Variants in SIRT1 observed in about 807,000 individuals in gnomAD.
SIRT1 encodes the protein sirtuin 1, also known as NAD-dependent protein deacetylase sirtuin-1.
Under a neutral mutation model 67.9 loss-of-function variants are expected in SIRT1, and 24 were observed. The observed-to-expected ratio is 0.35, with a 90% CI of 0.26 to 0.50. SIRT1 has a LOEUF of 0.50. Among genes scored for constraint, SIRT1 ranks in the 20% least tolerant of loss-of-function variants. The pLI is 0.98. For missense variants in SIRT1, 873 were observed against 937.2 expected, an observed-to-expected ratio of 0.93 and a Z score of 0.89; for synonymous variants, 378 against 350.7, an observed-to-expected ratio of 1.08 and a Z score of -0.87.
chr10:67,887,520 A>G lies in SIRT1; in HGVS notation c.534A>G (p.Pro178=), dbSNP rs755303038. ...ASHASSSDWT[P]RPRIGPYTFV... ...ATGCAAGCTCTAGTGACTGGACTCC[A>G]AGGCCACGGATAGGTATGGCTCAGA... The change falls in exon 2 of 9, where the codon CCA becomes CCG. Residue 178 remains proline, a synonymous_variant. Transcript: ENST00000212015. 6.2e-7 allele frequency: 1 copy of G among 1,606,074 alleles called. No homozygotes were observed. Among genetic ancestry groups the G allele is most frequent in the South Asian group, 1.1e-5 (1 of 90,916 alleles).
chr10:67,902,910 C>A (rs1842764497), intron 4 of SIRT1, among the ~76,000 whole-genome samples: 1 of 152,142 alleles, frequency 6.6e-6, no homozygotes, highest in Non-Finnish European at 1.5e-5. Context: ...GCCTGGCCAA[C>A]ATGGTGAAAC....
intron 4 of SIRT1, among the ~76,000 whole-genome samples, chr10:67,902,518 T>C (rs1018232453): frequency 6.6e-6 from 1 of 152,220 alleles, no homozygotes; most frequent in East Asian, 1.9e-4. Context: ...TGAAATACAG[T>C]TGAATTTGTC....
chr10:67,885,441 C>A (rs546454076), intron 1 of SIRT1: 2 of 1,189,390 alleles, frequency 1.7e-6, no homozygotes, highest in Non-Finnish European at 2.1e-6. Flanking sequence ...AGTTTCTCTC[C>A]CCCTCTTACT....
At chr10:67,887,396 C>CT (rs765798982) in intron 1 of SIRT1, 21 bp from the exon 2 acceptor site, 1 of 1,528,660 alleles carries the variant, frequency 6.5e-7, no homozygotes, top group Non-Finnish European at 9.1e-7. Flanking sequence ...ATAGCCTTGA[C>CT]TGACTTGGTT....
intron 4 of SIRT1, among the ~76,000 whole-genome samples, chr10:67,895,085 T>C (rs1167452041): frequency 6.6e-6 from 1 of 152,156 alleles, no homozygotes; most frequent in Non-Finnish European, 1.5e-5. Context: ...TATAATTCTT[T>C]GTCCATCCTT....
In SIRT1 at chr10:67,885,137, C is replaced by T. The variant is rs1396067593; in HGVS notation, c.416C>T (p.Ala139Val). Residue 139 changes from alanine to valine, a missense_variant, in exon 1 of 9, where the codon GCG becomes GTG. Coordinates refer to ENST00000212015, the MANE Select transcript of SIRT1 (RefSeq NM_012238.5). ...GAGGAGGAAGAGGCGGCGGCGGCGG[C>T]GATTGGGTACCGAGGTGCGCAGGGT... ...GEEEEEAAAA[A>V]IGYRDNLLFG... is the part of the protein sequence containing the mutation. The T allele has an allele frequency of 9.1e-6, 13 of 1,424,558 alleles. No individual in the cohort carries two copies. The highest frequency in any genetic ancestry group is 1.2e-5 in the Non-Finnish European group (13 of 1,083,360). 88.2% of individuals were successfully genotyped at this position (1,424,558 alleles called of 1,614,324 possible).
Position 67,884,884 on chromosome 10 carries a change from G to T in SIRT1, c.163G>T (p.Ala55Ser). 2.1e-5 allele frequency: 26 copies of T among 1,217,594 alleles called. No homozygotes were observed. The highest frequency in any genetic ancestry group is 2.6e-5 in the Non-Finnish European group (25 of 978,910). 75.4% of individuals were successfully genotyped at this position (1,217,594 alleles called of 1,614,324 possible). Reference sequence around the variant, plus strand: ...GAGCCCGGGCGAGCCCGGTGGGGCGGCCCCAGAGCGTGAGGTGCCGGCGGC... The same window carrying T: ...GAGCCCGGGCGAGCCCGGTGGGGCGTCCCCAGAGCGTGAGGTGCCGGCGGC... ...ERSPGEPGGA[A>S]PEREVPAAAR... Residue 55 changes from alanine (A) to serine (S), a missense_variant, in exon 1 of 9, where the codon GCC (alanine) becomes TCC (serine). This residue lies in a region of SIRT1 where 327 missense variants were observed against 283.9 expected (regional missense o/e 1.15). Coordinates refer to ENST00000212015, the MANE Select transcript of SIRT1 (RefSeq NM_012238.5).
intron 4 of SIRT1, among the ~76,000 whole-genome samples, chr10:67,905,893 A>G (rs1842814268): frequency 6.6e-6 from 1 of 152,276 alleles, no homozygotes; most frequent in Non-Finnish European, 1.5e-5. Flanking sequence ...TACCATATTT[A>G]TACAACCGGT....
chr10:67,886,990 G>T (rs1842493532), intron 1 of SIRT1, among the ~76,000 whole-genome samples: 1 of 151,852 alleles, frequency 6.6e-6, no homozygotes, highest in Non-Finnish European at 1.5e-5. Flanking sequence ...TCGTGCCTCA[G>T]CCTCCTGAGT....
rs530863685 is a variant in SIRT1, at chr10:67,885,529, C to T, written c.430+378C>T. 1.4e-4 allele frequency: 86 copies of T among 598,652 alleles called. No homozygotes were observed. In the African/African-American group the frequency reaches 1.5e-3, roughly 10 times the overall value. The allele number at this position is 598,652 out of a possible 1,614,324, so 37.1% of individuals were successfully genotyped here. On this transcript the variant is annotated intron_variant, in intron 1 of 8. Coordinates refer to ENST00000212015, the MANE Select transcript of SIRT1 (RefSeq NM_012238.5). ...TATTTTCATTGCTTTTCTCCTCTACCCCCCAGCACACTTAAGTCTGCAACT... is the reference window on the plus strand; with the variant it reads ...TATTTTCATTGCTTTTCTCCTCTACTCCCCAGCACACTTAAGTCTGCAACT...
intron 4 of SIRT1, among the ~76,000 whole-genome samples, chr10:67,900,370 C>T (rs1229265705): frequency 1.3e-5 from 2 of 152,052 alleles, no homozygotes. Context: ...GTCTTGAACT[C>T]CTAACCTCAG....
intron 6 of SIRT1, among the ~76,000 whole-genome samples, chr10:67,908,856 C>G (rs1028189940): frequency 2.6e-5 from 4 of 152,188 alleles, no homozygotes; most frequent in Non-Finnish European, 5.9e-5. Flanking sequence ...GAGCTGAGAT[C>G]ATGCCACTTC....
At chr10:67,909,138 TTTTG>T (rs1036344494) in intron 6 of SIRT1, 114 bp from the exon 7 acceptor site, 4 of 680,962 alleles carry the variant, frequency 5.9e-6, no homozygotes, top group Admixed American at 3.4e-5. Flanking sequence ...AGCTTTTCTG[TTTTG>T]TTTTTTTTTT....
rs1842759503 is a variant in SIRT1 at position 67,902,500 on chromosome 10, T to A, written c.943-4290T>A. On this transcript the variant is annotated intron_variant, in intron 4 of 8. Coordinates refer to ENST00000212015, the MANE Select transcript of SIRT1 (RefSeq NM_012238.5). Reference sequence around the variant, plus strand: ...TTTTATTAGAACATAGCCATACTATTTATATATTGAAATACAGTTGAATTT... The same window carrying A: ...TTTTATTAGAACATAGCCATACTATATATATATTGAAATACAGTTGAATTT... Among the ~76,000 whole-genome samples, 3 of 152,244 alleles carry A rather than the reference T, an allele frequency of 2.0e-5. No homozygotes were observed. In the South Asian group the frequency reaches 6.2e-4, roughly 31 times the overall value.
Position 67,891,513 on chromosome 10 carries a change from T to G in SIRT1, c.901T>G (p.Tyr301Asp). Reference sequence around the variant, plus strand: ...TCCTCAAGCGATGTTTGATATTGAATATTTCAGAAAAGATCCAAGACCATT... The same window carrying G: ...TCCTCAAGCGATGTTTGATATTGAAGATTTCAGAAAAGATCCAAGACCATT... Reference protein sequence around the residue: ...PDPQAMFDIEYFRKDPRPFFK... With the variant: ...PDPQAMFDIEDFRKDPRPFFK... Residue 301 changes from tyrosine (Y) to aspartate (D), a missense_variant, in exon 4 of 9, where the codon TAT (tyrosine) becomes GAT (aspartate). Coordinates refer to ENST00000212015, the MANE Select transcript of SIRT1 (RefSeq NM_012238.5). 1 of 1,614,170 alleles carries G rather than the reference T, an allele frequency of 6.2e-7. No homozygotes were observed. The highest frequency in any genetic ancestry group is 8.5e-7 in the Non-Finnish European group (1 of 1,180,024).
At chr10:67,903,968 C>CT (rs1009748524) in intron 4 of SIRT1, among the ~76,000 whole-genome samples, 1 of 152,088 alleles carries the variant, frequency 6.6e-6, no homozygotes, top group African/African-American at 2.4e-5. Context: ...GCATGTCACA[C>CT]TTTCACCATG....
chr10:67,884,999 A>G lies in SIRT1; in HGVS notation c.278A>G (p.Gln93Arg). The change falls in exon 1 of 9, where the codon CAG becomes CGG. Residue 93 changes from glutamine (Q) to arginine (R), a missense_variant. By Grantham distance (43) the Gln-to-Arg change is conservative (BLOSUM62 1). Transcript: ENST00000212015. Reference sequence around the variant, plus strand: ...GCGGCAGGCGGGGAGCAAGAGGCCCAGGCGACTGCGGCGGCTGGGGAAGGA... The same window carrying G: ...GCGGCAGGCGGGGAGCAAGAGGCCCGGGCGACTGCGGCGGCTGGGGAAGGA... ...AAAAGGEQEA[Q>R]ATAAAGEGDN... 1.5e-6 allele frequency: 2 copies of G among 1,304,666 alleles called. No individual in the cohort carries two copies. Among genetic ancestry groups the G allele is most frequent in the South Asian group, 2.4e-5 (1 of 41,256 alleles). The allele number at this position is 1,304,666 out of a possible 1,614,324, so 80.8% of individuals were successfully genotyped here.
intron 4 of SIRT1, among the ~76,000 whole-genome samples, chr10:67,899,540 T>A (rs1842709657): frequency 6.6e-6 from 1 of 152,036 alleles, no homozygotes; most frequent in African/African-American, 2.4e-5. Flanking sequence ...GATGTCAGCA[T>A]AAGTTTTTAA....
At chr10:67,887,284 C>T (rs189559676) in intron 1 of SIRT1, 133 bp from the exon 2 acceptor site, 11 of 634,114 alleles carry the variant, frequency 1.7e-5, no homozygotes, top group African/African-American at 1.5e-4. Flanking sequence ...CAAGCTGACC[C>T]CATAGGCATG....
Sources: gnomAD v4.1 joint callset for allele counts (sites outside exome capture counted in the v4.1 genomes callset) on GRCh38, gnomAD v4.1.1 for gene constraint, gnomAD v4.1.1 regional missense constraint, MANE v1.5 for transcripts, NCBI Gene and HGNC (gene_info 2026-07-23, HGNC 2026-07-21) for gene names.